PRUNE2: variants seen among roughly 807,000 people sequenced by gnomAD.
The protein encoded by PRUNE2 is protein prune homolog 2.
A neutral mutation model predicts 252.0 loss-of-function variants in PRUNE2; 164 were observed. That is an observed-to-expected ratio of 0.65 (90% CI 0.57 to 0.74). PRUNE2 has a LOEUF of 0.74. Among genes scored for constraint, PRUNE2 ranks in the 30% least tolerant of loss-of-function variants. The pLI is 0.00. For missense variants in PRUNE2, 3,495 were observed against 3,711.0 expected, an observed-to-expected ratio of 0.94 and a Z score of 1.51; for synonymous variants, 1,292 against 1,350.2, an observed-to-expected ratio of 0.96 and a Z score of 0.94.
At chr9:76,642,001 T>TAAAGAAAAAAAAAAAAAAAAA in intron 12 of PRUNE2, 1 of 1,010,460 alleles carries the variant, frequency 9.9e-7, no homozygotes, top group Non-Finnish European at 1.4e-6. Context: ...ATAAGAGAAG[T>TAAAGAAAAAAAAAAAAAAAAA]AAAAAAAAAA....
rs1413524030 is a variant in PRUNE2, at chr9:76,636,430, CT to C, written c.9050+40del. On this transcript the variant is annotated intron_variant, in intron 15 of 18. Coordinates refer to ENST00000376718, the MANE Select transcript of PRUNE2 (RefSeq NM_015225.3). Reference sequence around the variant, plus strand: ...GACAATGAGTACATATTTTTTAAAACTACTAGTAGTACTTTTATTTTATGAC... The same window carrying C: ...GACAATGAGTACATATTTTTTAAAACACTAGTAGTACTTTTATTTTATGAC... 7 of 1,059,042 alleles carry C rather than the reference CT, an allele frequency of 6.6e-6. No homozygotes were observed. In the Middle Eastern group the frequency reaches 6.1e-4, roughly 92 times the overall value. The allele number at this position is 1,059,042 out of a possible 1,614,324, so 65.6% of individuals were successfully genotyped here. A position where few individuals can be genotyped will look rare whatever the true frequency, so the allele number is the denominator to read the frequency against.
chr9:76,843,814 C>T (rs1034783464), intron 4 of PRUNE2, among the ~76,000 whole-genome samples: 2 of 145,050 alleles, frequency 1.4e-5, no homozygotes, highest in Non-Finnish European at 1.5e-5. Context: ...CTGCAACCTT[C>T]GCTTCCTGGG....
At position 76,709,891 on chromosome 9, in the gene PRUNE2, C is replaced by T; in HGVS notation, c.2383G>A (p.Ala795Thr). Reference sequence around the variant, plus strand: ...AATGCACTCCAGGCTGGGAATGGCGCCACAGCTGCTGGTTCACCATCATCT... The same window carrying T: ...AATGCACTCCAGGCTGGGAATGGCGTCACAGCTGCTGGTTCACCATCATCT... ...PTDDGEPAAVAPFPAWSAFGK... is the reference protein window; with the variant it reads ...PTDDGEPAAVTPFPAWSAFGK... The change falls in exon 8 of 19, where the codon GCG becomes ACG. Residue 795 changes from alanine to threonine, a missense_variant. Physicochemically the swap from Ala to Thr is moderately conservative, Grantham distance 58. Coordinates refer to ENST00000376718, the MANE Select transcript of PRUNE2 (RefSeq NM_015225.3). 2 of 1,613,884 alleles carry T rather than the reference C, an allele frequency of 1.2e-6. No homozygotes were observed. Among genetic ancestry groups the T allele is most frequent in the Non-Finnish European group, 1.7e-6 (2 of 1,179,856 alleles).
At chr9:76,820,277 C>T (rs981144350) in intron 6 of PRUNE2, among the ~76,000 whole-genome samples, 7 of 152,124 alleles carry the variant, frequency 4.6e-5, no homozygotes, top group African/African-American at 1.7e-4. Flanking sequence ...TAATTACTTG[C>T]TTTTTATGTA....
intron 1 of PRUNE2, among the ~76,000 whole-genome samples, chr9:76,903,870 G>A (rs111300747): frequency 0.099 from 15,112 of 152,238 alleles, 968 homozygotes; most frequent in East Asian, 0.24. Context: ...TTACAGGCGT[G>A]AGCCACCACA....
chr9:76,649,485 C>A (rs1387997653), intron 11 of PRUNE2, among the ~76,000 whole-genome samples: 1 of 152,048 alleles, frequency 6.6e-6, no homozygotes, highest in Non-Finnish European at 1.5e-5. Context: ...ACTCAGGAGG[C>A]TAAGGTAGGA....
chr9:76,894,585 T>C (rs2062697775), intron 1 of PRUNE2, among the ~76,000 whole-genome samples: 1 of 151,988 alleles, frequency 6.6e-6, no homozygotes, highest in Non-Finnish European at 1.5e-5. Flanking sequence ...TTACAGAAAA[T>C]GTGTCTGAGG....
intron 1 of PRUNE2, among the ~76,000 whole-genome samples, chr9:76,893,076 C>A (rs545940834): frequency 6.6e-6 from 1 of 152,010 alleles, no homozygotes. Flanking sequence ...CTTGTCTCTA[C>A]AAAATAAAAA....
intron 18 of PRUNE2, 141 bp from the exon 19 acceptor site, chr9:76,614,741 A>G: frequency 1.5e-6 from 1 of 658,710 alleles, no homozygotes; most frequent in Non-Finnish European, 2.5e-6. Context: ...CTTATAATAG[A>G]AAAATCTGGT....
At chr9:76,793,524 C>A (rs1241148609) in intron 6 of PRUNE2, among the ~76,000 whole-genome samples, 2 of 152,060 alleles carry the variant, frequency 1.3e-5, no homozygotes, top group South Asian at 2.1e-4. Flanking sequence ...TACTGAGAGA[C>A]CCTGCAGCTG....
chr9:76,827,533 G>T (rs1428067359), intron 4 of PRUNE2, among the ~76,000 whole-genome samples: 4 of 152,152 alleles, frequency 2.6e-5, no homozygotes, highest in Non-Finnish European at 4.4e-5. Flanking sequence ...AATGACAAAT[G>T]ATTAAGCTCT....
At chr9:76,771,880 G>T (rs2053154049) in intron 6 of PRUNE2, among the ~76,000 whole-genome samples, 1 of 152,152 alleles carries the variant, frequency 6.6e-6, no homozygotes, top group Admixed American at 6.5e-5. Flanking sequence ...GAAAGGAAAA[G>T]CCACTCTGGC....
At chr9:76,848,091 C>T (rs538789595) in intron 3 of PRUNE2, among the ~76,000 whole-genome samples, 76 of 152,226 alleles carry the variant, frequency 5.0e-4, no homozygotes, top group African/African-American at 1.8e-3. Context: ...CGGTGAAACC[C>T]CGTCTCTACT....
chr9:76,762,446 C>T (rs1294928404), intron 6 of PRUNE2, among the ~76,000 whole-genome samples: 2 of 152,188 alleles, frequency 1.3e-5, no homozygotes, highest in African/African-American at 4.8e-5. Context: ...GTCTGCTTGG[C>T]TCGAACTTTC....
chr9:76,823,560 A>T (rs760219004), intron 6 of PRUNE2, 72 bp downstream of exon 6: 1 of 860,436 alleles, frequency 1.2e-6, no homozygotes, highest in African/African-American at 1.7e-5. Flanking sequence ...CAATGGAGAG[A>T]GTTACATTCC....
intron 3 of PRUNE2, among the ~76,000 whole-genome samples, chr9:76,849,612 G>T (rs949674697): frequency 6.6e-6 from 1 of 152,124 alleles, no homozygotes; most frequent in African/African-American, 2.4e-5. Flanking sequence ...GATCACTTGA[G>T]GTCAGGAGTT....
intron 1 of PRUNE2, among the ~76,000 whole-genome samples, chr9:76,888,873 C>T (rs1023726808): frequency 2.0e-5 from 3 of 152,122 alleles, no homozygotes; most frequent in Admixed American, 6.5e-5. Context: ...GACGGAGTCG[C>T]GCTCTGTCAC....
intron 6 of PRUNE2, among the ~76,000 whole-genome samples, chr9:76,730,217 G>T (rs2048444169): frequency 6.6e-6 from 1 of 152,182 alleles, no homozygotes; most frequent in Admixed American, 6.5e-5. Context: ...TCAGCATTCA[G>T]CTAAGGTTAT....
At chr9:76,897,616 G>C (rs181336148) in intron 1 of PRUNE2, among the ~76,000 whole-genome samples, 1 of 151,470 alleles carries the variant, frequency 6.6e-6, no homozygotes, top group South Asian at 2.1e-4. Context: ...GGGTTTCACC[G>C]TGTTGGCTGG....
Sources: allele counts gnomAD v4.1 joint callset (sites outside exome capture counted in the v4.1 genomes callset), GRCh38; gene constraint gnomAD v4.1.1; transcripts MANE v1.5; gene names NCBI Gene and HGNC (gene_info 2026-07-23, HGNC 2026-07-21).